Variants in PTPRD observed in about 807,000 individuals in gnomAD.
PTPRD encodes receptor-type tyrosine-protein phosphatase delta.
PTPRD carries 34 observed loss-of-function variants against 214.5 expected under a neutral mutation model. The observed-to-expected ratio is 0.16, with a 90% CI of 0.12 to 0.21. The LOEUF (loss-of-function observed/expected upper bound fraction) is 0.21. Among genes scored for constraint, PTPRD ranks in the 10% least tolerant of loss-of-function variants. The pLI is 1.00. For synonymous variants in PTPRD, 1,128 were observed against 845.7 expected, an observed-to-expected ratio of 1.33 and a Z score of -5.79; for missense variants, 2,545 against 2,398.7, an observed-to-expected ratio of 1.06 and a Z score of -1.27.
chr9:9,647,382 T>TA (rs397815685), intron 7 of PTPRD, among the ~76,000 whole-genome samples: 1 of 152,120 alleles, frequency 6.6e-6, no homozygotes, highest in Non-Finnish European at 1.5e-5. Context: ...TTTGTTTTTT[T>TA]ATGCCTTGTA....
chr9:9,921,563 G>A (rs1425339875), intron 5 of PTPRD, among the ~76,000 whole-genome samples: 1 of 150,348 alleles, frequency 6.7e-6, no homozygotes. Context: ...ATATTCAAGA[G>A]AACTTACAAA....
intron 11 of PTPRD, among the ~76,000 whole-genome samples, chr9:8,744,911 T>C (rs940044258): frequency 6.6e-6 from 1 of 152,216 alleles, no homozygotes; most frequent in African/African-American, 2.4e-5. Context: ...AAATAGGTTG[T>C]GTGGGGAAAC....
intron 14 of PTPRD, among the ~76,000 whole-genome samples, chr9:8,569,193 C>T (rs1472586944): frequency 1.3e-5 from 2 of 152,032 alleles, no homozygotes; most frequent in African/African-American, 2.4e-5. Flanking sequence ...CAACTCCTCC[C>T]ACCCCAAGAA....
intron 24 of PTPRD, 34 bp downstream of exon 24, chr9:8,500,720 A>G (rs2097383774): frequency 6.2e-7 from 1 of 1,604,306 alleles, no homozygotes; most frequent in South Asian, 1.1e-5. Context: ...ACTGTGTCAG[A>G]AGGGTGCAAA....
At position 8,341,819 on chromosome 9, in the gene PTPRD, A is replaced by G. The variant is rs375579314; in HGVS notation, c.4821T>C (p.Asp1607=). 1.2e-6 allele frequency: 2 copies of G among 1,613,640 alleles called. No individual in the cohort carries two copies. The highest frequency in any genetic ancestry group is 1.7e-6 in the Non-Finnish European group (2 of 1,179,732). Reference sequence around the variant, plus strand: ...CACAAGTCACTGCTTCTAACAGTGCATCATGGATAAAGATGTATTGGTCTT... The same window carrying G: ...CACAAGTCACTGCTTCTAACAGTGCGTCATGGATAAAGATGTATTGGTCTT... ...QTEDQYIFIH[D]ALLEAVTCGN... Residue 1607 remains aspartate, a synonymous_variant, in exon 40 of 46, where the codon GAT becomes GAC. Transcript: ENST00000381196.
At chr9:10,142,002 T>C (rs1054967352) in intron 3 of PTPRD, among the ~76,000 whole-genome samples, 11 of 152,112 alleles carry the variant, frequency 7.2e-5, no homozygotes, top group African/African-American at 2.7e-4. Flanking sequence ...TTGACAAACC[T>C]GACCAAAACA....
intron 11 of PTPRD, among the ~76,000 whole-genome samples, chr9:8,916,913 CA>C (rs946159711): frequency 6.6e-6 from 1 of 152,106 alleles, no homozygotes; most frequent in Non-Finnish European, 1.5e-5. Context: ...CCTGTGGTAT[CA>C]AATATCCAAA....
intron 4 of PTPRD, among the ~76,000 whole-genome samples, chr9:9,951,382 G>A (rs1168355782): frequency 1.3e-5 from 2 of 152,214 alleles, no homozygotes; most frequent in Non-Finnish European, 2.9e-5. Flanking sequence ...TGGTAGGCCT[G>A]TAAACACCAT....
At chr9:9,789,784 C>A (rs1407987670) in intron 5 of PTPRD, among the ~76,000 whole-genome samples, 4 of 33,698 alleles carry the variant, frequency 1.2e-4, no homozygotes, top group Non-Finnish European at 1.5e-4. Flanking sequence ...GCAACAGAGC[C>A]AAACTCTGTC....
intron 10 of PTPRD, among the ~76,000 whole-genome samples, chr9:9,084,628 G>A (rs1399472164): frequency 1.3e-5 from 2 of 152,094 alleles, no homozygotes; most frequent in Admixed American, 1.3e-4. Flanking sequence ...AAATGAATGG[G>A]ATCTGAGAGT....
chr9:8,779,804 T>C (rs1471690540), intron 11 of PTPRD, among the ~76,000 whole-genome samples: 2 of 148,874 alleles, frequency 1.3e-5, no homozygotes, highest in Non-Finnish European at 3.0e-5. Context: ...ATTATGTCGA[T>C]GTTTTGTTGG....
At chr9:9,768,216 A>G (rs761255254) in intron 5 of PTPRD, among the ~76,000 whole-genome samples, 1 of 152,150 alleles carries the variant, frequency 6.6e-6, no homozygotes. Context: ...GCTGTAGACT[A>G]CTTACATACC....
At chr9:8,949,152 A>G (rs1180775451) in intron 11 of PTPRD, among the ~76,000 whole-genome samples, 1 of 148,318 alleles carries the variant, frequency 6.7e-6, no homozygotes, top group Admixed American at 6.9e-5. Context: ...TGAACCCGGG[A>G]GGTGGAGGGT....
intron 10 of PTPRD, among the ~76,000 whole-genome samples, chr9:9,171,039 G>A (rs994546460): frequency 2.0e-5 from 3 of 152,128 alleles, no homozygotes; most frequent in South Asian, 2.1e-4. Flanking sequence ...CTGCCACATT[G>A]TGGTACCACC....
In PTPRD at chr9:8,486,080, T is replaced by C. The variant is rs374125865; in HGVS notation, c.2737A>G (p.Ile913Val). The C allele has an allele frequency of 9.2e-5, 148 of 1,614,102 alleles. No homozygotes were observed. Among genetic ancestry groups the C allele is most frequent in the Non-Finnish European group, 1.2e-4 (143 of 1,180,034 alleles). Residue 913 changes from isoleucine to valine, a missense_variant, in exon 28 of 46, where the codon ATT becomes GTT. Ile to Val is a conservative substitution (Grantham distance 29). Transcript: ENST00000381196. ...FGEEMVKEIS[I>V]PEEVPTGFPQ... ...AATCCAGTTGGTACTTCTTCTGGAA[T>C]GGAAATCTCCTTCACCATCTCCTCC...
chr9:9,505,249 T>A (rs1332202), intron 8 of PTPRD, among the ~76,000 whole-genome samples: 92,012 of 151,446 alleles, frequency 0.61, 29,215 homozygotes, highest in African/African-American at 0.78. Flanking sequence ...GCCGACTCTC[T>A]TAGATTAAAT....
chr9:10,119,019 C>T (rs2098753642), intron 3 of PTPRD, among the ~76,000 whole-genome samples: 1 of 151,302 alleles, frequency 6.6e-6, no homozygotes, highest in African/African-American at 2.4e-5. Context: ...AAAACAAATC[C>T]AAACAAAATA....
chr9:9,594,163 T>A (rs2093046263), intron 7 of PTPRD, among the ~76,000 whole-genome samples: 1 of 152,080 alleles, frequency 6.6e-6, no homozygotes, highest in Non-Finnish European at 1.5e-5. Flanking sequence ...AAAATAAGCA[T>A]TATAAGATAA....
At chr9:9,421,324 A>C (rs1889102) in intron 8 of PTPRD, among the ~76,000 whole-genome samples, 121,617 of 151,392 alleles carry the variant, frequency 0.8, 48,969 homozygotes, top group Non-Finnish European at 0.81. Flanking sequence ...CAATATAAAC[A>C]GGAAATATGC....
Sources: allele counts gnomAD v4.1 joint callset (sites outside exome capture counted in the v4.1 genomes callset), GRCh38; gene constraint gnomAD v4.1.1; transcripts MANE v1.5; gene names NCBI Gene and HGNC (gene_info 2026-07-23, HGNC 2026-07-21).